CSMD2: variants seen among roughly 807,000 people sequenced by gnomAD.
CSMD2 encodes the protein CUB and Sushi multiple domains 2, also known as CUB and sushi domain-containing protein 2.
Under a neutral mutation model 398.5 loss-of-function variants are expected in CSMD2, and 130 were observed. The ratio of observed to expected loss-of-function variants is 0.33; its 90% CI spans 0.28 to 0.38. The LOEUF is 0.38. Ranked by LOEUF, CSMD2 falls within the 10% of genes least tolerant of loss-of-function variation. The pLI, the probability that CSMD2 is intolerant of heterozygous loss-of-function variation, is 1.00. For missense variants in CSMD2, 3,829 were observed against 4,764.9 expected, an observed-to-expected ratio of 0.80 and a Z score of 5.78; for synonymous variants, 1,828 against 1,908.5, an observed-to-expected ratio of 0.96 and a Z score of 1.10.
At chr1:33,655,025 G>C (rs1336067412) in intron 27 of CSMD2, among the ~76,000 whole-genome samples, 1 of 152,250 alleles carries the variant, frequency 6.6e-6, no homozygotes, top group Admixed American at 6.5e-5. Context: ...GTGCCCCAAG[G>C]CCTTGCTTGG....
intron 1 of CSMD2, among the ~76,000 whole-genome samples, chr1:34,140,933 C>T (rs1398195659): frequency 1.3e-5 from 2 of 152,068 alleles, no homozygotes; most frequent in East Asian, 1.9e-4. Flanking sequence ...TACAACCTGT[C>T]CCCCTCCAGC....
At position 33,518,065 on chromosome 1, in the gene CSMD2, G is replaced by A. The variant is rs1319034842; in HGVS notation, c.*53+1400C>T. On this transcript the variant is annotated intron_variant, in intron 70 of 70. Coordinates refer to ENST00000373381, the MANE Select transcript of CSMD2 (RefSeq NM_001281956.2). This position sits in a 1 kb window ranked among gnomAD's most constrained non-coding sequence, Gnocchi z 4.3. ...CGCAACACTAGCCCTGGGTTTGGCT[G>A]GTGGCCCACTTGGCGGATTTTCCAC... Among the ~76,000 whole-genome samples, 1 of 152,256 alleles carries A rather than the reference G, an allele frequency of 6.6e-6. No homozygotes were observed. Among genetic ancestry groups the A allele is most frequent in the Non-Finnish European group, 1.5e-5 (1 of 68,038 alleles).
intron 21 of CSMD2, 50 bp downstream of exon 21, chr1:33,714,537 A>AAG: frequency 6.3e-7 from 1 of 1,586,392 alleles, no homozygotes; most frequent in Non-Finnish European, 8.6e-7. Flanking sequence ...ATTGACTATA[A>AAG]TCTGTCCCAC....
At chr1:33,941,728 C>T (rs538643226) in intron 3 of CSMD2, among the ~76,000 whole-genome samples, 8 of 152,138 alleles carry the variant, frequency 5.3e-5, no homozygotes, top group Non-Finnish European at 1.0e-4. Flanking sequence ...TTACTCTGTG[C>T]TATCCTTAAT....
At chr1:34,076,371 C>T (rs185179891) in intron 2 of CSMD2, among the ~76,000 whole-genome samples, 83 of 152,332 alleles carry the variant, frequency 5.4e-4, no homozygotes, top group Admixed American at 2.4e-3. Context: ...ATCCACCTCA[C>T]GGTTTTTCAA....
At chr1:33,744,912 G>A (rs532363049) in intron 13 of CSMD2, among the ~76,000 whole-genome samples, 3 of 152,288 alleles carry the variant, frequency 2.0e-5, no homozygotes, top group Admixed American at 2.0e-4. Flanking sequence ...GAGTATGTAA[G>A]TTCGCATCCA....
intron 2 of CSMD2, among the ~76,000 whole-genome samples, chr1:34,082,428 G>A (rs529802214): frequency 0.012 from 1,800 of 150,980 alleles, 31 homozygotes; most frequent in African/African-American, 0.04. Flanking sequence ...GGGCGCCCCC[G>A]CCTGGCAGCC....
At chr1:33,691,221 C>T (rs776393512) in intron 25 of CSMD2, among the ~76,000 whole-genome samples, 17 of 152,192 alleles carry the variant, frequency 1.1e-4, no homozygotes, top group African/African-American at 3.4e-4. Flanking sequence ...AGGCTGAAGT[C>T]GCTGTAGCCT....
At chr1:33,710,633 C>T (rs1389544606) in intron 21 of CSMD2, among the ~76,000 whole-genome samples, 1 of 152,138 alleles carries the variant, frequency 6.6e-6, no homozygotes, top group African/African-American at 2.4e-5. Flanking sequence ...AGTCCAGGCA[C>T]AGTCTGTGGC....
chr1:33,811,945 G>A (rs1226588406), intron 9 of CSMD2, among the ~76,000 whole-genome samples: 1 of 152,148 alleles, frequency 6.6e-6, no homozygotes, highest in Non-Finnish European at 1.5e-5. Context: ...AATGAAAGTG[G>A]TGTCAAACCT....
intron 2 of CSMD2, among the ~76,000 whole-genome samples, chr1:34,038,289 C>T (rs1036636327): frequency 6.6e-6 from 1 of 152,172 alleles, no homozygotes; most frequent in Non-Finnish European, 1.5e-5. Flanking sequence ...GAAATCCAGA[C>T]TTAGCAGAGA....
At position 33,904,891 on chromosome 1, in the gene CSMD2, C is replaced by G. The variant is rs562055430; in HGVS notation, c.920+13203G>C. ...TCAATCTCCTGACCTCATCATCTGC[C>G]CGCCTCGGCCTCCCAAAGTGCTGGG... On this transcript the variant is annotated intron_variant, in intron 5 of 70. Transcript: ENST00000373381. 2.9e-4 allele frequency among the ~76,000 whole-genome samples: 44 copies of G among 152,262 alleles called. 1 individual carries two copies. The Middle Eastern group carries it at 0.01, about 35-fold the overall frequency.
intron 2 of CSMD2, among the ~76,000 whole-genome samples, chr1:34,049,828 G>A (rs753609211): frequency 5.3e-5 from 8 of 152,320 alleles, no homozygotes; most frequent in Middle Eastern, 6.8e-3. Context: ...AACTCCCAAA[G>A]TTTATATGTT....
chr1:33,698,338 T>C (rs1308186608), intron 24 of CSMD2, among the ~76,000 whole-genome samples: 3 of 152,308 alleles, frequency 2.0e-5, no homozygotes, highest in South Asian at 2.1e-4. Flanking sequence ...ATTTTACCTA[T>C]AGGGAAACTG....
chr1:33,997,678 C>A (rs1042011977), intron 3 of CSMD2, among the ~76,000 whole-genome samples: 3 of 151,874 alleles, frequency 2.0e-5, no homozygotes, highest in African/African-American at 7.3e-5. Flanking sequence ...TAATAAAAAT[C>A]TTTTTTTTGT....
chr1:33,599,897 T>C (rs908648263), intron 44 of CSMD2: 14 of 472,276 alleles, frequency 3.0e-5, no homozygotes, highest in Middle Eastern at 1.1e-3. Context: ...ACGCATGATG[T>C]AATAACACTG....
chr1:33,892,487 C>G (rs1340575793), intron 5 of CSMD2, among the ~76,000 whole-genome samples: 1 of 152,124 alleles, frequency 6.6e-6, no homozygotes, highest in Non-Finnish European at 1.5e-5. Flanking sequence ...ATCTTCTCCT[C>G]CAAGTCCCCA....
intron 29 of CSMD2, among the ~76,000 whole-genome samples, chr1:33,641,778 C>A (rs192304417): frequency 6.6e-6 from 1 of 152,112 alleles, no homozygotes; most frequent in African/African-American, 2.4e-5. Flanking sequence ...CAGAAGGGTC[C>A]GTCGGTCTAG....
At chr1:33,818,610 A>G (rs758012694) in intron 9 of CSMD2, among the ~76,000 whole-genome samples, 15 of 152,254 alleles carry the variant, frequency 9.9e-5, no homozygotes, top group African/African-American at 3.4e-4. Context: ...TTTTAAAAAC[A>G]TAGTAGCTAT....
Sources: allele counts gnomAD v4.1 joint callset (sites outside exome capture counted in the v4.1 genomes callset), GRCh38; gene constraint gnomAD v4.1.1; non-coding constraint Gnocchi (gnomAD v3.1); transcripts MANE v1.5; gene names NCBI Gene and HGNC (gene_info 2026-07-23, HGNC 2026-07-21).